Variants in EVL observed in about 807,000 individuals in gnomAD.
EVL encodes the protein Enah/Vasp-like.
EVL carries 21 observed loss-of-function variants against 59.6 expected under a neutral mutation model. The observed-to-expected ratio is 0.35, with a 90% CI of 0.25 to 0.51. EVL has a LOEUF of 0.51. EVL is among the 20% of genes least tolerant of loss of function. The probability of loss-of-function intolerance (pLI) is 0.97; values close to 1 mark genes in which losing one functional copy is unlikely to be tolerated. For synonymous variants in EVL, 198 were observed against 203.5 expected, an observed-to-expected ratio of 0.97 and a Z score of 0.23; for missense variants, 462 against 546.6, an observed-to-expected ratio of 0.85 and a Z score of 1.54.
chr14:100,098,722 G>T (rs1032629945), intron 3 of EVL, among the ~76,000 whole-genome samples: 1 of 152,284 alleles, frequency 6.6e-6, no homozygotes, highest in South Asian at 2.1e-4. Context: ...GGGAGAACTT[G>T]GTAGTTAAGA....
Position 100,067,854 on chromosome 14 carries a change from T to C in EVL, c.11+2343T>C, listed in dbSNP as rs76336029. On this transcript the variant is annotated intron_variant, in intron 1 of 13. Transcript: ENST00000392920. ...CCTGCAGCACAGAGAGTAATAAGCATAGACAGGAGGGGCAGTAAGAGTTGA... is the reference window on the plus strand; with the variant it reads ...CCTGCAGCACAGAGAGTAATAAGCACAGACAGGAGGGGCAGTAAGAGTTGA... Among the ~76,000 whole-genome samples, 4 of 152,078 alleles carry C rather than the reference T, an allele frequency of 2.6e-5. No individual in the cohort carries two copies. The East Asian group carries it at 5.8e-4, about 22-fold the overall frequency.
At chr14:100,048,589 A>C (rs533851738) in intron 1 of EVL, among the ~76,000 whole-genome samples, 164 of 152,384 alleles carry the variant, frequency 1.1e-3, no homozygotes, top group African/African-American at 3.8e-3. Context: ...TTTTACATAC[A>C]GTTAACATAT....
intron 12 of EVL, 25 bp from the exon 13 acceptor site, chr14:100,141,711 C>T: frequency 1.2e-6 from 2 of 1,611,748 alleles, no homozygotes; most frequent in South Asian, 1.1e-5. Flanking sequence ...CCTGTCCCTT[C>T]ACCTGGACAC....
intron 3 of EVL, chr14:100,107,479 G>A: frequency 2.5e-6 from 1 of 395,104 alleles, no homozygotes; most frequent in Admixed American, 4.4e-5. Context: ...GAGGATGTGT[G>A]CAGGCCACAG....
chr14:100,055,836 G>A (rs371540888), intron 1 of EVL, among the ~76,000 whole-genome samples: 5 of 128,958 alleles, frequency 3.9e-5, no homozygotes, highest in African/African-American at 7.4e-5. Flanking sequence ...TTTTGGAGAC[G>A]GAGTCTTGCT....
chr14:100,028,133 T>TG (rs1202412601), intron 1 of EVL, among the ~76,000 whole-genome samples: 3 of 107,886 alleles, frequency 2.8e-5, no homozygotes, highest in African/African-American at 4.7e-5. Context: ...TTTGTTTGTT[T>TG]GTTTTTTTTT....
chr14:99,987,172 C>G (rs982769457), intron 1 of EVL, among the ~76,000 whole-genome samples: 1 of 152,072 alleles, frequency 6.6e-6, no homozygotes, highest in Non-Finnish European at 1.5e-5. Context: ...AGATTTATAT[C>G]TAGAATATAT....
At chr14:99,971,434 C>T (rs553589368), upstream of EVL, 1 of 151,834 alleles carries the variant, frequency 6.6e-6, no homozygotes, top group African/African-American at 2.4e-5. Context: ...GCTCAGCGCT[C>T]CCGGAGGCGC....
intron 1 of EVL, among the ~76,000 whole-genome samples, chr14:100,027,819 C>T (rs183364821): frequency 1.0e-3 from 156 of 152,250 alleles, no homozygotes; most frequent in African/African-American, 3.4e-3. Flanking sequence ...GGATTACAGG[C>T]ATGCGCCACT....
intron 3 of EVL, among the ~76,000 whole-genome samples, chr14:100,118,683 C>G (rs897098710): frequency 1.5e-4 from 23 of 152,312 alleles, no homozygotes; most frequent in Non-Finnish European, 2.5e-4. Context: ...TCTGTCAGCT[C>G]CTGTCCCCTG....
At chr14:99,988,660 C>T (rs1022523276) in intron 1 of EVL, among the ~76,000 whole-genome samples, 4 of 152,106 alleles carry the variant, frequency 2.6e-5, no homozygotes, top group African/African-American at 9.7e-5. Context: ...TTCATGATAG[C>T]CTCAAAGTGG....
chr14:100,129,631 C>T lies in EVL; in HGVS notation c.786C>T (p.Ser262=), dbSNP rs1306931950. 14 of 1,610,600 alleles carry T rather than the reference C, an allele frequency of 8.7e-6. No homozygotes were observed. The highest frequency in any genetic ancestry group is 2.2e-5 in the East Asian group (1 of 44,838). The change falls in exon 7 of 14, where the codon AGC becomes AGT. Residue 262 remains serine (S), a synonymous_variant. Coordinates refer to ENST00000392920, the MANE Select transcript of EVL (RefSeq NM_016337.3). ...AGTCCGATGCCAACCGGGCAAGCAG[C>T]GGGGGTGGCGGAGGAGGCCTCATGG... ...TSKSDANRAS[S]GGGGGGLMEE...
At chr14:100,089,582 A>C (rs1200712579) in intron 2 of EVL, among the ~76,000 whole-genome samples, 2 of 152,254 alleles carry the variant, frequency 1.3e-5, no homozygotes, top group African/African-American at 4.8e-5. Context: ...TGAACTGAAC[A>C]GTAATGACAA....
intron 1 of EVL, among the ~76,000 whole-genome samples, chr14:100,076,120 A>G (rs1161059220): frequency 2.0e-5 from 3 of 152,208 alleles, no homozygotes; most frequent in Non-Finnish European, 2.9e-5. Flanking sequence ...TGGGCAGGAG[A>G]AATATCTCTT....
At chr14:100,027,146 G>T (rs1302960984) in intron 1 of EVL, among the ~76,000 whole-genome samples, 1 of 152,074 alleles carries the variant, frequency 6.6e-6, no homozygotes, top group East Asian at 1.9e-4. Context: ...TATTTATGGG[G>T]TACATGTGAT....
Position 100,128,588 on chromosome 14 carries a change from C to CCCGG in EVL, c.557_558insCCGG (p.Pro187ArgfsTer112). On this transcript the variant is annotated frameshift_variant, in exon 6 of 14. Transcript: ENST00000392920. LOFTEE classifies it high-confidence loss of function. Reference sequence around the variant, plus strand: ...CCCGTCTCATGTAGTGGGCCTCCACCGCCCCCCCCACCCCCAGTCCCACCT... The same window carrying CCCGG: ...CCCGTCTCATGTAGTGGGCCTCCACCCCGGGCCCCCCCCACCCCCAGTCCCACCT... 1 of 1,441,892 alleles carries CCCGG rather than the reference C, an allele frequency of 6.9e-7. No homozygotes were observed. The highest frequency in any genetic ancestry group is 9.6e-7 in the Non-Finnish European group (1 of 1,046,274). The allele number at this position is 1,441,892 out of a possible 1,614,324, so 89.3% of individuals were successfully genotyped here.
intron 1 of EVL, among the ~76,000 whole-genome samples, chr14:100,054,924 G>A (rs1255413757): frequency 6.6e-6 from 1 of 152,038 alleles, no homozygotes; most frequent in Non-Finnish European, 1.5e-5. Context: ...TGTCCTGGCC[G>A]GGCATGGTGG....
Position 100,109,357 on chromosome 14 carries a change from C to T in EVL, c.358+11699C>T. On this transcript the variant is annotated intron_variant, in intron 3 of 13. Coordinates refer to ENST00000392920, the MANE Select transcript of EVL (RefSeq NM_016337.3). This position sits in a 1 kb window ranked among gnomAD's most constrained non-coding sequence, Gnocchi z 4.3. Reference sequence around the variant, plus strand: ...TGCTGTTGTGAAGCCTTCCCAGTGCCCCAGAAGACCTCAGGCACCCCTTCC... The same window carrying T: ...TGCTGTTGTGAAGCCTTCCCAGTGCTCCAGAAGACCTCAGGCACCCCTTCC... 1 of 357,314 alleles carries T rather than the reference C, an allele frequency of 2.8e-6. No individual in the cohort carries two copies. Among genetic ancestry groups the T allele is most frequent in the Non-Finnish European group, 5.5e-6 (1 of 180,690 alleles). 22.1% of individuals were successfully genotyped at this position (357,314 alleles called of 1,614,324 possible).
At position 99,977,593 on chromosome 14, in the gene EVL, C is replaced by T. The variant is rs533382266; in HGVS notation, c.5+5536C>T. Among the ~76,000 whole-genome samples the T allele has an allele frequency of 2.6e-5, 4 of 151,976 alleles. No individual in the cohort carries two copies. In the East Asian group the frequency reaches 5.9e-4, roughly 22 times the overall value. ...CATCGTATTTTCATCCGCCACTACGCGCGGCTAATATTTTGTATTTTTAGT... is the reference window on the plus strand; with the variant it reads ...CATCGTATTTTCATCCGCCACTACGTGCGGCTAATATTTTGTATTTTTAGT... On this transcript the variant is annotated intron_variant, in intron 1 of 13. Coordinates refer to the EVL transcript ENST00000402714.
Sources: gnomAD v4.1 joint callset for allele counts (sites outside exome capture counted in the v4.1 genomes callset) on GRCh38, gnomAD v4.1.1 for gene constraint, Gnocchi (gnomAD v3.1) non-coding constraint, MANE v1.5 for transcripts, NCBI Gene and HGNC (gene_info 2026-07-23, HGNC 2026-07-21) for gene names.